ATP8A2: variants seen among roughly 807,000 people sequenced by gnomAD.
ATP8A2 encodes phospholipid-transporting ATPase IB.
In ATP8A2, 100 loss-of-function variants were observed where a neutral mutation model predicts 165.6. That is an observed-to-expected ratio of 0.60 (90% confidence interval 0.51 to 0.71). The LOEUF (loss-of-function observed/expected upper bound fraction) is 0.71. Ranked by LOEUF, ATP8A2 falls within the 30% of genes least tolerant of loss-of-function variation. ATP8A2 has a pLI of 0.00. For synonymous variants in ATP8A2, 543 were observed against 548.8 expected, an observed-to-expected ratio of 0.99 and a Z score of 0.15; for missense variants, 1,227 against 1,479.5, an observed-to-expected ratio of 0.83 and a Z score of 2.80.
At chr13:25,963,393 C>CA (rs763926807) in intron 34 of ATP8A2, among the ~76,000 whole-genome samples, 1,624 of 114,926 alleles carry the variant, frequency 0.014, 11 homozygotes, top group Non-Finnish European at 0.022. Context: ...GACTCCGTCT[C>CA]AAAAAAAAAA....
At chr13:25,934,411 C>G (rs1223428354) in intron 33 of ATP8A2, among the ~76,000 whole-genome samples, 1 of 152,244 alleles carries the variant, frequency 6.6e-6, no homozygotes, top group Admixed American at 6.5e-5. Context: ...TGAGCTGATA[C>G]AGATCGCAAG....
At chr13:25,458,976 G>A (rs2035435218) in intron 1 of ATP8A2, among the ~76,000 whole-genome samples, 1 of 152,164 alleles carries the variant, frequency 6.6e-6, no homozygotes, top group African/African-American at 2.4e-5. Context: ...AGGGAACACA[G>A]ATGCCCTTTG....
At chr13:25,508,104 G>T (rs2037108874) in intron 2 of ATP8A2, among the ~76,000 whole-genome samples, 1 of 152,182 alleles carries the variant, frequency 6.6e-6, no homozygotes, top group Non-Finnish European at 1.5e-5. Flanking sequence ...AATATCTGTT[G>T]CTGGCAGGAA....
chr13:25,756,721 G>T (rs2044270581), intron 25 of ATP8A2, among the ~76,000 whole-genome samples: 1 of 152,210 alleles, frequency 6.6e-6, no homozygotes, highest in Admixed American at 6.5e-5. Context: ...GATTACAGCA[G>T]CCAATGCGTG....
chr13:25,737,948 T>G (rs970327837), intron 25 of ATP8A2, among the ~76,000 whole-genome samples: 2 of 152,212 alleles, frequency 1.3e-5, no homozygotes. Context: ...CCTCCCAAAG[T>G]GCTGGGATTA....
At chr13:25,565,876 C>T (rs1373748544) in intron 16 of ATP8A2, among the ~76,000 whole-genome samples, 2 of 151,978 alleles carry the variant, frequency 1.3e-5, no homozygotes, top group Admixed American at 1.3e-4. Context: ...CTGAAAAATG[C>T]CAACTTAGAA....
At chr13:25,840,110 GA>G (rs1341058023) in intron 30 of ATP8A2, among the ~76,000 whole-genome samples, 3 of 152,030 alleles carry the variant, frequency 2.0e-5, no homozygotes, top group Non-Finnish European at 4.4e-5. Context: ...TAGAGTTTGA[GA>G]ACTAATTCTC....
intron 2 of ATP8A2, among the ~76,000 whole-genome samples, chr13:25,515,220 A>G (rs1466959702): frequency 6.6e-6 from 1 of 152,212 alleles, no homozygotes; most frequent in African/African-American, 2.4e-5. Context: ...TTGGACTGGA[A>G]CCATACCATT....
intron 1 of ATP8A2, among the ~76,000 whole-genome samples, chr13:25,451,981 A>G (rs2035239369): frequency 1.3e-5 from 2 of 151,748 alleles, no homozygotes; most frequent in Non-Finnish European, 2.9e-5. Flanking sequence ...CAGCCTCCCA[A>G]GTAGCTGGGA....
chr13:25,652,395 CT>C (rs2041834169), intron 24 of ATP8A2, among the ~76,000 whole-genome samples: 1 of 152,056 alleles, frequency 6.6e-6, no homozygotes, highest in Admixed American at 6.6e-5. Context: ...CTCATTGGTT[CT>C]ATTAGCAGTC....
intron 6 of ATP8A2, among the ~76,000 whole-genome samples, chr13:25,533,907 C>A (rs1266496332): frequency 6.6e-6 from 1 of 152,014 alleles, no homozygotes; most frequent in Non-Finnish European, 1.5e-5. Context: ...ATAAAATTAG[C>A]TTTTTAAATG....
At chr13:25,945,328 G>T (rs1955183560) in intron 33 of ATP8A2, among the ~76,000 whole-genome samples, 1 of 152,106 alleles carries the variant, frequency 6.6e-6, no homozygotes. Context: ...CTTCATCTTT[G>T]TGTCTCTCAG....
At chr13:25,729,622 T>TGGCAA (rs1283352411) in intron 25 of ATP8A2, among the ~76,000 whole-genome samples, 1 of 152,172 alleles carries the variant, frequency 6.6e-6, no homozygotes, top group East Asian at 1.9e-4. Context: ...GTTATTCCCC[T>TGGCAA]GGCAAGGTGT....
intron 1 of ATP8A2, among the ~76,000 whole-genome samples, chr13:25,446,170 T>C (rs145748367): frequency 0.01 from 1,533 of 152,258 alleles, 32 homozygotes; most frequent in African/African-American, 0.034. Flanking sequence ...TCTGCTCCCC[T>C]GGCTGTCCGT....
intron 24 of ATP8A2, among the ~76,000 whole-genome samples, chr13:25,609,241 T>C (rs1026489738): frequency 2.6e-5 from 4 of 151,818 alleles, no homozygotes; most frequent in Admixed American, 6.6e-5. Context: ...TAAACAATTT[T>C]AGGAATGAGA....
intron 2 of ATP8A2, among the ~76,000 whole-genome samples, chr13:25,527,492 A>G (rs1455054745): frequency 1.3e-5 from 2 of 152,158 alleles, no homozygotes; most frequent in Admixed American, 6.6e-5. Flanking sequence ...TTGTAGTGTT[A>G]TATCTTTAAT....
At chr13:25,667,650 T>C (rs1184975438) in intron 24 of ATP8A2, among the ~76,000 whole-genome samples, 1 of 152,032 alleles carries the variant, frequency 6.6e-6, no homozygotes, top group African/African-American at 2.4e-5. Flanking sequence ...TCTTTTTTTT[T>C]TTATAAATTA....
intron 24 of ATP8A2, among the ~76,000 whole-genome samples, chr13:25,632,196 C>A (rs1022059931): frequency 1.3e-5 from 2 of 152,154 alleles, no homozygotes; most frequent in African/African-American, 4.8e-5. Context: ...TCCTCAGGAA[C>A]CTGCATGTGT....
chr13:25,984,810 C>T (rs970703694), intron 35 of ATP8A2, among the ~76,000 whole-genome samples: 5 of 152,070 alleles, frequency 3.3e-5, no homozygotes, highest in African/African-American at 7.2e-5. Flanking sequence ...ATCAAGATCT[C>T]GGCAGCATGA....
Sources: gnomAD v4.1 joint callset for allele counts (sites outside exome capture counted in the v4.1 genomes callset) on GRCh38, gnomAD v4.1.1 for gene constraint, MANE v1.5 for transcripts, NCBI Gene and HGNC (gene_info 2026-07-23, HGNC 2026-07-21) for gene names.